Variants in GNG11 observed in about 807,000 individuals in gnomAD.
GNG11 encodes guanine nucleotide-binding protein G(I)/G(S)/G(O) subunit gamma-11.
GNG11 carries 6 observed loss-of-function variants against 7.4 expected under a neutral mutation model. That is an observed-to-expected ratio of 0.81 (90% CI 0.44 to 1.60). The LOEUF is 1.60. Ranked by LOEUF, GNG11 falls within the 40% of genes most tolerant of loss-of-function variation. The probability of loss-of-function intolerance (pLI) is 0.01; values close to 1 mark genes in which losing one functional copy is unlikely to be tolerated. For synonymous variants in GNG11, 31 were observed against 25.9 expected (o/e 1.20, Z -0.60); for missense variants, 65 against 83.0 (o/e 0.78, Z 0.84).
At chr7:93,924,365 T>C (rs2115931558) in intron 1 of GNG11, among the ~76,000 whole-genome samples, 1 of 152,354 alleles carries the variant, frequency 6.6e-6, no homozygotes, top group Non-Finnish European at 1.5e-5. Flanking sequence ...AGGGAGCATG[T>C]ATCTTGCTGA....
rs150225605 is a variant in GNG11 at position 93,922,554 on chromosome 7, G to A, written c.96+321G>A. Among the ~76,000 whole-genome samples the A allele has an allele frequency of 4.7e-3, 722 of 152,216 alleles. 28 individuals are homozygous for A. Among genetic ancestry groups the A allele is most frequent in the Admixed American group, 0.043 (658 of 15,276 alleles). On this transcript the variant is annotated intron_variant, in intron 1 of 1. Coordinates refer to ENST00000248564, the MANE Select transcript of GNG11 (RefSeq NM_004126.4). ...CAAAACTCACTTGTAGGAAAAAAGC[G>A]GATAGCTACTTGGTTCTTTGATCTT...
At chr7:93,923,561 A>G (rs970168281) in intron 1 of GNG11, among the ~76,000 whole-genome samples, 4 of 152,250 alleles carry the variant, frequency 2.6e-5, no homozygotes, top group Non-Finnish European at 4.4e-5. Flanking sequence ...AGATATGTTC[A>G]CACAATAAAC....
At chr7:93,925,795 T>G (rs1049617092) in intron 1 of GNG11, among the ~76,000 whole-genome samples, 9 of 152,148 alleles carry the variant, frequency 5.9e-5, no homozygotes, top group African/African-American at 2.2e-4. Flanking sequence ...ATGATTTATT[T>G]AATGCAGTGA....
Position 93,926,118 on chromosome 7 carries a change from A to G in GNG11, c.124A>G (p.Asn42Asp), listed in dbSNP as rs752183889. ...GTCTAAATGTTCTGAAGAAATAAAG[A>G]ACTATATTGAAGAACGTTCTGGAGA... is the stretch of plus-strand genomic sequence containing the variant. ...QVSKCSEEIK[N>D]YIEERSGEDP... Residue 42 changes from asparagine to aspartate, a missense_variant, in exon 2 of 2, where the codon AAC becomes GAC. Physicochemically the swap from Asn to Asp is conservative, Grantham distance 23. Coordinates refer to ENST00000248564, the MANE Select transcript of GNG11 (RefSeq NM_004126.4). The G allele has an allele frequency of 6.5e-7, 1 of 1,541,128 alleles. No homozygotes were observed. The highest frequency in any genetic ancestry group is 2.3e-5 in the East Asian group (1 of 43,982).
At chr7:93,925,928 T>C (rs1794672175) in intron 1 of GNG11, among the ~76,000 whole-genome samples, 163 bp from the exon 2 acceptor site, 1 of 150,882 alleles carries the variant, frequency 6.6e-6, no homozygotes, top group African/African-American at 2.5e-5. Context: ...TTTATATATG[T>C]ATTATATATA....
chr7:93,925,852 T>C (rs1794671120), intron 1 of GNG11, among the ~76,000 whole-genome samples: 1 of 152,018 alleles, frequency 6.6e-6, no homozygotes, highest in Non-Finnish European at 1.5e-5. Context: ...GTAAGAAATA[T>C]ATTTTACATA....
chr7:93,924,523 G>T (rs775934217), intron 1 of GNG11, among the ~76,000 whole-genome samples: 5 of 152,226 alleles, frequency 3.3e-5, no homozygotes, highest in Non-Finnish European at 5.9e-5. Context: ...TATTTTGCCA[G>T]ATTTTAAGTC....
intron 1 of GNG11, among the ~76,000 whole-genome samples, chr7:93,925,027 G>A (rs926518627): frequency 7.2e-5 from 11 of 152,186 alleles, no homozygotes; most frequent in Non-Finnish European, 1.0e-4. Flanking sequence ...AGCCAGGCGT[G>A]GTGGTGGGCG....
intron 1 of GNG11, among the ~76,000 whole-genome samples, chr7:93,925,322 G>T (rs1282363650): frequency 6.6e-6 from 1 of 151,694 alleles, no homozygotes; most frequent in Non-Finnish European, 1.5e-5. Context: ...TGTCTTTTAA[G>T]GATAGATAGA....
chr7:93,925,294 T>A (rs1272019042), intron 1 of GNG11, among the ~76,000 whole-genome samples: 1 of 152,272 alleles, frequency 6.6e-6, no homozygotes, highest in African/African-American at 2.4e-5. Flanking sequence ...ATTCTTTTTT[T>A]AATTCATTCT....
chr7:93,922,536 C>A (rs1794629832), intron 1 of GNG11, among the ~76,000 whole-genome samples: 1 of 152,076 alleles, frequency 6.6e-6, no homozygotes, highest in Admixed American at 6.5e-5. Context: ...TTTCAAAACT[C>A]ACTTGTAGGA....
intron 1 of GNG11, among the ~76,000 whole-genome samples, chr7:93,924,002 T>C (rs1027714982): frequency 2.0e-5 from 3 of 152,194 alleles, no homozygotes; most frequent in African/African-American, 7.2e-5. Flanking sequence ...TAGAGATCAT[T>C]CATCTCCCTC....
At position 93,928,501 on chromosome 7, in the gene GNG11, C is replaced by T. The variant is rs1206895731; in HGVS notation, c.*2285C>T. On this transcript the variant is annotated 3_prime_UTR_variant, in exon 2 of 2. Transcript: ENST00000248564. Reference sequence around the variant, plus strand: ...ATATTTAGATATATTGTAAATGTAACCTTTGGTGACTGATAATTTGTTAAG... The same window carrying T: ...ATATTTAGATATATTGTAAATGTAATCTTTGGTGACTGATAATTTGTTAAG... 1 of 151,940 alleles carries T rather than the reference C, an allele frequency of 6.6e-6. No individual in the cohort carries two copies. The highest frequency in any genetic ancestry group is 2.4e-5 in the African/African-American group (1 of 41,342). 9.4% of individuals were successfully genotyped at this position (151,940 alleles called of 1,614,324 possible). A position where few individuals can be genotyped will look rare whatever the true frequency, so the allele number is the denominator to read the frequency against.
Position 93,928,116 on chromosome 7 carries a change from T to G in GNG11, c.*1900T>G. The G allele has an allele frequency of 6.7e-6, 1 of 149,634 alleles. No homozygotes were observed. Among genetic ancestry groups the G allele is most frequent in the South Asian group, 2.1e-4 (1 of 4,824 alleles). 9.3% of individuals were successfully genotyped at this position (149,634 alleles called of 1,614,324 possible). On this transcript the variant is annotated 3_prime_UTR_variant, in exon 2 of 2. Coordinates refer to ENST00000248564, the MANE Select transcript of GNG11 (RefSeq NM_004126.4). ...CAGTTTAAATCACCTGCTTCTTTCA[T>G]GAAAGGCCAAGACAATACATTTATT...
intron 1 of GNG11, among the ~76,000 whole-genome samples, chr7:93,922,584 A>G (rs1452180460): frequency 8.5e-5 from 13 of 152,184 alleles, no homozygotes; most frequent in Admixed American, 8.5e-4. Flanking sequence ...GATCTTTTAC[A>G]CTACTAGAAA....
chr7:93,923,187 C>T (rs1343646644), intron 1 of GNG11, among the ~76,000 whole-genome samples: 2 of 152,120 alleles, frequency 1.3e-5, no homozygotes, highest in Non-Finnish European at 2.9e-5. Flanking sequence ...TTAAGAAAAA[C>T]AATGGAAATG....
chr7:93,926,044 T>C, intron 1 of GNG11, 47 bp from the exon 2 acceptor site: 2 of 1,256,074 alleles, frequency 1.6e-6, no homozygotes, highest in Non-Finnish European at 2.2e-6. Context: ...GGGACAAAGT[T>C]TAAACAACCC....
intron 1 of GNG11, among the ~76,000 whole-genome samples, chr7:93,923,234 G>C (rs1794638190): frequency 1.3e-5 from 2 of 152,194 alleles, no homozygotes; most frequent in Admixed American, 6.5e-5. Context: ...TCCTGTTCTA[G>C]TTATAATAAA....
rs1343649738 is a variant in GNG11 at position 93,927,390 on chromosome 7, TCA to T, written c.*1176_*1177del. 6.6e-6 allele frequency: 1 copy of T among 152,206 alleles called. No homozygotes were observed. The highest frequency in any genetic ancestry group is 1.5e-5 in the Non-Finnish European group (1 of 68,030). 9.4% of individuals were successfully genotyped at this position (152,206 alleles called of 1,614,324 possible). On this transcript the variant is annotated 3_prime_UTR_variant, in exon 2 of 2. Transcript: ENST00000248564. ...CCTCACAAAAAGGGACCTTTCTTTC[TCA>T]CCTTGAGCATTCTCCCGCTTCTTCT...
Sources: gnomAD v4.1 joint callset for allele counts (sites outside exome capture counted in the v4.1 genomes callset) on GRCh38, gnomAD v4.1.1 for gene constraint, MANE v1.5 for transcripts, NCBI Gene and HGNC (gene_info 2026-07-23, HGNC 2026-07-21) for gene names.